RDX: variants seen among roughly 807,000 people sequenced by gnomAD.
The protein encoded by RDX is radixin, also known as deafness, autosomal recessive 24.
RDX carries 32 observed loss-of-function variants against 83.7 expected under a neutral mutation model. The observed-to-expected ratio is 0.38, with a 90% CI of 0.29 to 0.51. The LOEUF is 0.51. Among genes scored for constraint, RDX ranks in the 20% least tolerant of loss-of-function variants. RDX has a pLI of 0.87. For synonymous variants in RDX, 229 were observed against 222.7 expected (o/e 1.03, Z -0.25); for missense variants, 600 against 689.9 (o/e 0.87, Z 1.46).
chr11:110,270,106 C>T (rs73555778), intron 3 of RDX, among the ~76,000 whole-genome samples: 61 of 151,948 alleles, frequency 4.0e-4, no homozygotes, highest in African/African-American at 1.4e-3. Flanking sequence ...ACAATATGAA[C>T]TGTGTGTGCA....
intron 14 of RDX, among the ~76,000 whole-genome samples, chr11:110,216,532 A>T (rs1864058593): frequency 1.5e-5 from 2 of 131,856 alleles, no homozygotes; most frequent in African/African-American, 2.9e-5. Context: ...TACCACACCA[A>T]TTTTTTTTCT....
intron 2 of RDX, 34 bp from the exon 3 acceptor site, chr11:110,272,653 G>C: frequency 7.0e-7 from 1 of 1,424,438 alleles, no homozygotes; most frequent in Non-Finnish European, 9.8e-7. Context: ...ATAAGTAGAA[G>C]AGAAGTTATT....
At chr11:110,264,591 C>CTT (rs1322878145) in intron 4 of RDX, among the ~76,000 whole-genome samples, 188 bp downstream of exon 4, 2 of 137,186 alleles carry the variant, frequency 1.5e-5, no homozygotes, top group Non-Finnish European at 3.2e-5. Flanking sequence ...GTAAGCATTT[C>CTT]TTTTTTTTTT....
intron 15 of RDX, among the ~76,000 whole-genome samples, chr11:110,195,250 C>G (rs1157691277): frequency 6.6e-6 from 1 of 152,146 alleles, no homozygotes; most frequent in East Asian, 1.9e-4. Context: ...AGACGTGAGC[C>G]ACCGTGCCCA....
At chr11:110,226,370 G>T (rs1004859617), downstream of RDX, among the ~76,000 whole-genome samples, 1 of 152,072 alleles carries the variant, frequency 6.6e-6, no homozygotes, top group Non-Finnish European at 1.5e-5. Context: ...AAATAAACCA[G>T]ACACGAAAGG....
rs11828352 is a variant in RDX, at chr11:110,178,907, T to C, written c.*32-3673A>G. On this transcript the variant is annotated intron_variant, in intron 15 of 15. Transcript: ENST00000528498. ...TCTTTTTGCTGAATGCCTTCAGCCA[T>C]GTTTGTACTCTACATTGATCCCTGC... Among the ~76,000 whole-genome samples, 1,011 of 152,346 alleles carry C rather than the reference T, an allele frequency of 6.6e-3. 14 individuals carry two copies. The highest frequency in any genetic ancestry group is 0.023 in the African/African-American group (943 of 41,580).
chr11:110,283,460 C>G (rs1277952679), intron 1 of RDX, among the ~76,000 whole-genome samples: 1 of 152,078 alleles, frequency 6.6e-6, no homozygotes, highest in Non-Finnish European at 1.5e-5. Context: ...GCCTAAAAAA[C>G]TAATTTCTTA....
In RDX at chr11:110,247,746, T is replaced by C; in HGVS notation, c.1047A>G (p.Glu349=). Residue 349 remains glutamate (E), a synonymous_variant, in exon 10 of 14, where the codon GAA becomes GAG. Transcript: ENST00000645495. ...TCTGCTCTTCAATTTGTTTTAGACGTTCCATTAGCTCTTCCTTTTCACGTT... is the reference window on the plus strand; with the variant it reads ...TCTGCTCTTCAATTTGTTTTAGACGCTCCATTAGCTCTTCCTTTTCACGTT... ...RIEREKEELM[E]RLKQIEEQTI... 1.9e-6 allele frequency: 3 copies of C among 1,612,284 alleles called. No individual in the cohort carries two copies. The highest frequency in any genetic ancestry group is 2.5e-6 in the Non-Finnish European group (3 of 1,179,438).
At position 110,256,069 on chromosome 11, in the gene RDX, A is replaced by G. The variant is rs928560140; in HGVS notation, c.699-684T>C. 3.9e-5 allele frequency among the ~76,000 whole-genome samples: 6 copies of G among 152,308 alleles called. No individual in the cohort carries two copies. The South Asian group carries it at 1.2e-3, about 32-fold the overall frequency. On this transcript the variant is annotated intron_variant, in intron 7 of 13. Coordinates refer to ENST00000645495, the MANE Select transcript of RDX (RefSeq NM_002906.4). ...CAAAGATATAGGGAATCATATTGGA[A>G]TAAGTGATTTTGTTTCTGCCTTTTC...
intron 12 of RDX, among the ~76,000 whole-genome samples, chr11:110,235,371 C>T (rs1362787256): frequency 1.3e-5 from 2 of 152,054 alleles, no homozygotes; most frequent in East Asian, 3.9e-4. Flanking sequence ...ACTTCATATC[C>T]AATCACTGGT....
chr11:110,272,349 T>C (rs1454702300), intron 3 of RDX, among the ~76,000 whole-genome samples, 187 bp downstream of exon 3: 1 of 152,180 alleles, frequency 6.6e-6, no homozygotes, highest in Non-Finnish European at 1.5e-5. Context: ...CTCCCACAAA[T>C]GTAGGAATGT....
rs1256221880 is a variant in RDX at position 110,257,794 on chromosome 11, C to A, written c.671G>T (p.Gly224Val). The A allele has an allele frequency of 6.2e-7, 1 of 1,611,942 alleles. No homozygotes were observed. Among genetic ancestry groups the A allele is most frequent in the Non-Finnish European group, 8.5e-7 (1 of 1,179,694 alleles). The change falls in exon 7 of 14, where the codon GGT becomes GTT. Residue 224 changes from glycine to valine, a missense_variant. Coordinates refer to ENST00000645495, the MANE Select transcript of RDX (RefSeq NM_002906.4). ...TELWLGVDAL[G>V]LNIYEHDDKL... is the part of the protein sequence containing the mutation. ...GTCGTCATGCTCATAAATATTCAGA[C>A]CCAAAGCATCAACACCTAGCCACAA...
intron 14 of RDX, among the ~76,000 whole-genome samples, chr11:110,224,200 A>T (rs967808267): frequency 1.3e-5 from 2 of 151,530 alleles, no homozygotes; most frequent in Non-Finnish European, 2.9e-5. Context: ...TTCTAACCCC[A>T]AACTGTTTAT....
intron 1 of RDX, among the ~76,000 whole-genome samples, chr11:110,292,492 T>A (rs975617269): frequency 2.0e-5 from 3 of 151,890 alleles, no homozygotes; most frequent in Non-Finnish European, 4.4e-5. Context: ...AAGAAAAAAA[T>A]GACATTAAAT....
Position 110,247,795 on chromosome 11 carries a change from G to A in RDX, c.998C>T (p.Ala333Val). 1 of 1,593,466 alleles carries A rather than the reference G, an allele frequency of 6.3e-7. No homozygotes were observed. The highest frequency in any genetic ancestry group is 8.6e-7 in the Non-Finnish European group (1 of 1,169,198). Residue 333 changes from alanine (A) to valine (V), a missense_variant, in exon 10 of 14, where the codon GCA becomes GTA. Ala to Val is a moderately conservative substitution (Grantham distance 64, BLOSUM62 0). Coordinates refer to ENST00000645495, the MANE Select transcript of RDX (RefSeq NM_002906.4). ...LENEKKKREIAEKEKERIERE... is the reference protein window; with the variant it reads ...LENEKKKREIVEKEKERIERE... ...TTCTATTCTTTCCTTTTCCTTTTCTGCTATTTCTCTTTTCTTCTTTTCATT... is the reference window on the plus strand; with the variant it reads ...TTCTATTCTTTCCTTTTCCTTTTCTACTATTTCTCTTTTCTTCTTTTCATT...
Position 110,230,595 on chromosome 11 carries a change from C to T in RDX, c.*1274G>A, listed in dbSNP as rs1380963132. 1 of 152,288 alleles carries T rather than the reference C, an allele frequency of 6.6e-6. No homozygotes were observed. Among genetic ancestry groups the T allele is most frequent in the Non-Finnish European group, 1.5e-5 (1 of 68,062 alleles). 9.4% of individuals were successfully genotyped at this position (152,288 alleles called of 1,614,324 possible). On this transcript the variant is annotated 3_prime_UTR_variant, in exon 14 of 14. Transcript: ENST00000645495. ...CACACAGAGTACACACACACACACA[C>T]ACACACACACACACAGTCTCTCTCT... is the stretch of plus-strand genomic sequence containing the variant.
At chr11:110,294,257 T>C (rs1429793549) in intron 1 of RDX, among the ~76,000 whole-genome samples, 1 of 152,174 alleles carries the variant, frequency 6.6e-6, no homozygotes, top group Non-Finnish European at 1.5e-5. Flanking sequence ...TAGCCGGGCA[T>C]GGTGGCGCAC....
chr11:110,280,751 C>T lies in RDX; in HGVS notation c.-64-995G>A, dbSNP rs184081920. On this transcript the variant is annotated intron_variant, in intron 1 of 13. Coordinates refer to ENST00000645495, the MANE Select transcript of RDX (RefSeq NM_002906.4). ...GCCAAGGTGAGAGGACTGCTTAAGC[C>T]CAGGTGGCTGAAGCTGCAGTGAGCG... 1.4e-3 allele frequency among the ~76,000 whole-genome samples: 210 copies of T among 152,286 alleles called. 1 individual carries two copies. The highest frequency in any genetic ancestry group is 4.8e-3 in the African/African-American group (201 of 41,558).
intron 5 of RDX, among the ~76,000 whole-genome samples, chr11:110,258,608 A>T (rs1417623737): frequency 6.6e-6 from 1 of 152,212 alleles, no homozygotes; most frequent in Non-Finnish European, 1.5e-5. Flanking sequence ...ATAGGAACCC[A>T]AACAGTTCAA....
Sources: allele counts gnomAD v4.1 joint callset (sites outside exome capture counted in the v4.1 genomes callset), GRCh38; gene constraint gnomAD v4.1.1; transcripts MANE v1.5; gene names NCBI Gene and HGNC (gene_info 2026-07-23, HGNC 2026-07-21).